The following TTN variants were observed in gnomAD, a reference collection of about 807,000 sequenced individuals.
TTN encodes the protein connectin.
Under a neutral mutation model 3,223.0 loss-of-function variants are expected in TTN, and 1,525 were observed. That is an observed-to-expected ratio of 0.47 (90% confidence interval 0.45 to 0.49). The LOEUF is 0.49. Ranked by LOEUF, TTN falls within the 20% of genes least tolerant of loss-of-function variation. TTN has a pLI of 0.00. For synonymous variants in TTN, 14,094 were observed against 15,161.0 expected, an observed-to-expected ratio of 0.93 and a Z score of 5.17; for missense variants, 40,786 against 43,424.0, an observed-to-expected ratio of 0.94 and a Z score of 5.40.
At position 178,664,105 on chromosome 2, in the gene TTN, A is replaced by T; in HGVS notation, c.36281-7T>A. On this transcript the variant is annotated splice_polypyrimidine_tract_variant and splice_region_variant and intron_variant, in intron 168 of 362. Transcript: ENST00000589042. ...TCTTTGGGAGCTTCGTGCACTTGAAAGATATTAGTATTTTTACACTCAGAA... is the reference window on the plus strand; with the variant it reads ...TCTTTGGGAGCTTCGTGCACTTGAATGATATTAGTATTTTTACACTCAGAA... The T allele has an allele frequency of 6.2e-7, 1 of 1,604,352 alleles. No homozygotes were observed.
chr2:178,586,848 TA>T (rs1365122963), intron 307 of TTN, 41 bp from the exon 308 acceptor site: 2 of 1,591,524 alleles, frequency 1.3e-6, no homozygotes, highest in African/African-American at 2.7e-5. Context: ...CTAGGTAACC[TA>T]ATCAAATCCC....
chr2:178,634,802 G>T lies in TTN; in HGVS notation c.42072C>A (p.His14024Gln), dbSNP rs1276854895. ...AEGGKRFLTL[H>Q]KVKLDQAGEV... ...CACCAGCTTGGTCCAGTTTGACTTT[G>T]TGCAAAGTTAAGAAGCGTTTTCCAC... The change falls in exon 229 of 363, where the codon CAC becomes CAA. Residue 14024 changes from histidine (H) to glutamine (Q), a missense_variant. His to Gln is a conservative substitution (Grantham distance 24, BLOSUM62 0). Transcript: ENST00000589042. This position sits in a 1 kb window ranked among gnomAD's most constrained non-coding sequence, Gnocchi z 4.6. The T allele has an allele frequency of 6.2e-7, 1 of 1,612,822 alleles. No homozygotes were observed. Among genetic ancestry groups the T allele is most frequent in the South Asian group, 1.1e-5 (1 of 90,912 alleles).
Position 178,601,010 on chromosome 2 carries a change from T to G in TTN, c.55894A>C (p.Arg18632=). 6.2e-7 allele frequency: 1 copy of G among 1,613,066 alleles called. No individual in the cohort carries two copies. Among genetic ancestry groups the G allele is most frequent in the South Asian group, 1.1e-5 (1 of 91,032 alleles). ...DPTGTKKEAW[R]QCNKRDVEEL... ...TCCACATCACGCTTATTGCACTGCC[T>G]CCAGGCTTCTTTCTTTGTCCCAGTA... Residue 18632 remains arginine (R), a synonymous_variant, in exon 288 of 363, where the codon AGG becomes CGG. Transcript: ENST00000589042.
In TTN at chr2:178,528,642, G is replaced by T; in HGVS notation, c.107109C>A (p.Ala35703=). The T allele has an allele frequency of 6.2e-7, 1 of 1,612,976 alleles. No individual in the cohort carries two copies. The highest frequency in any genetic ancestry group is 8.5e-7 in the Non-Finnish European group (1 of 1,179,416). Reference sequence around the variant, plus strand: ...TTTGAGATCTAGGCTGTGAGATGAAGGCTGGAGCATCTGAGAGTTCTTTGC... The same window carrying T: ...TTTGAGATCTAGGCTGTGAGATGAATGCTGGAGCATCTGAGAGTTCTTTGC... ...TLSKELSDAP[A]FISQPRSQNI... The change falls in exon 360 of 363, where the codon GCC becomes GCA. Residue 35703 remains alanine, a synonymous_variant. Transcript: ENST00000589042.
chr2:178,675,605 C>A, intron 149 of TTN, 66 bp downstream of exon 149: 1 of 1,189,164 alleles, frequency 8.4e-7, no homozygotes, highest in South Asian at 2.3e-5. Context: ...GTTGAGTGTC[C>A]TGTGTGGATA....
chr2:178,622,519 G>A, intron 243 of TTN, 151 bp downstream of exon 243: 1 of 612,942 alleles, frequency 1.6e-6, no homozygotes, highest in East Asian at 2.9e-5. Context: ...AGCAATTAAA[G>A]TCAAGAATAC....
chr2:178,699,383 C>CTTTTTTTTTTTTTTTTTTTTTTT lies in TTN; in HGVS notation c.30683-492_30683-470dup. Among the ~76,000 whole-genome samples, 2 of 44,912 alleles carry CTTTTTTTTTTTTTTTTTTTTTTT rather than the reference C, an allele frequency of 4.5e-5. 1 individual carries two copies. Among genetic ancestry groups the CTTTTTTTTTTTTTTTTTTTTTTT allele is most frequent in the Non-Finnish European group, 8.7e-5 (2 of 22,892 alleles). 29.5% of individuals were successfully genotyped at this position (44,912 alleles called of 152,430 possible). ...TTTGTATTCATGAATAAATAACACT[C>CTTTTTTTTTTTTTTTTTTTTTTT]TTTTTTTTTTTTTTTTTTTTTTTTT... On this transcript the variant is annotated intron_variant, in intron 111 of 362. Transcript: ENST00000589042.
rs1695842509 is a variant in TTN at position 178,543,960 on chromosome 2, C to G, written c.96184G>C (p.Asp32062His). Reference sequence around the variant, plus strand: ...AGCAATGAGTAGCTCTCAGTGGTGTCAATAATTGCCCGGCTTGCAAGGTCA... The same window carrying G: ...AGCAATGAGTAGCTCTCAGTGGTGTGAATAATTGCCCGGCTTGCAAGGTCA... ...GIDLASRAII[D>H]TTESYSLLIV... Residue 32062 changes from aspartate to histidine, a missense_variant, in exon 346 of 363, where the codon GAC becomes CAC. By Grantham distance (81) the Asp-to-His change is moderately conservative (BLOSUM62 -1). Transcript: ENST00000589042. 6.2e-7 allele frequency: 1 copy of G among 1,613,572 alleles called. No individual in the cohort carries two copies. The highest frequency in any genetic ancestry group is 1.7e-5 in the Admixed American group (1 of 59,990).
At chr2:178,600,774 CT>C in intron 288 of TTN, 79 bp downstream of exon 288, 1 of 1,543,566 alleles carries the variant, frequency 6.5e-7, no homozygotes, top group Non-Finnish European at 8.9e-7. Context: ...AGATATAGCT[CT>C]TTTAATTGTG....
At chr2:178,757,481 G>C (rs1454667763) in intron 45 of TTN, 61 bp downstream of exon 45, 1 of 1,475,700 alleles carries the variant, frequency 6.8e-7, no homozygotes, top group Non-Finnish European at 9.0e-7. Context: ...ACTCTCATTA[G>C]TAACAGTGGG....
rs563863077 is a variant in TTN, at chr2:178,746,173, G to A, written c.11312-4252C>T. The stretch of plus-strand genomic sequence containing the variant: ...TATATTCTTTATACCACTTAACTTC[G>A]GGAGTCGGGATCCCTATGACTGAAC... On this transcript the variant is annotated intron_variant, in intron 47 of 362. Coordinates refer to ENST00000589042, the MANE Select transcript of TTN (RefSeq NM_001267550.2). 11 of 1,613,086 alleles carry A rather than the reference G, an allele frequency of 6.8e-6. No individual in the cohort carries two copies. In the South Asian group the frequency reaches 9.9e-5, roughly 14 times the overall value.
intron 159 of TTN, among the ~76,000 whole-genome samples, chr2:178,668,733 CAA>C (rs1372370526): frequency 4.5e-4 from 28 of 61,792 alleles, no homozygotes; most frequent in Middle Eastern, 0.012. Context: ...GATTCCATCT[CAA>C]AAAAAAAAAA....
chr2:178,693,574 T>G, intron 119 of TTN, 35 bp downstream of exon 119: 1 of 1,421,212 alleles, frequency 7.0e-7, no homozygotes, highest in Non-Finnish European at 9.6e-7. Context: ...TAATTTTTAT[T>G]AAAAGAGTTT....
At position 178,551,183 on chromosome 2, in the gene TTN, C is replaced by T. The variant is rs755202685; in HGVS notation, c.91348G>A (p.Gly30450Arg). The change falls in exon 336 of 363, where the codon GGA becomes AGA. Residue 30450 changes from glycine (G) to arginine (R), a missense_variant. Coordinates refer to ENST00000589042, the MANE Select transcript of TTN (RefSeq NM_001267550.2). ...TLKWNPPLRD[G>R]GSKIVGYSIE... ...CTATAGCCCACAATCTTACTGCCTC[C>T]ATCACGCAATGGTGGGTTCCATTTA... 3.1e-6 allele frequency: 5 copies of T among 1,613,442 alleles called. No individual in the cohort carries two copies. The African/African-American group carries it at 4.0e-5, about 13-fold the overall frequency.
intron 47 of TTN, chr2:178,746,600 A>G (rs1463430014): frequency 2.5e-6 from 4 of 1,613,226 alleles, no homozygotes; most frequent in East Asian, 2.2e-5. Context: ...TACATTTGCA[A>G]AGCTCTTTGC....
In TTN at chr2:178,712,219, G is replaced by A. The variant is rs780191022; in HGVS notation, c.27611C>T (p.Pro9204Leu). 2 of 1,612,518 alleles carry A rather than the reference G, an allele frequency of 1.2e-6. No homozygotes were observed. The highest frequency in any genetic ancestry group is 1.1e-5 in the South Asian group (1 of 90,952). Residue 9204 changes from proline (P) to leucine (L), a missense_variant, in exon 96 of 363, where the codon CCA (proline) becomes CTA (leucine). By Grantham distance (98) the Pro-to-Leu change is moderately conservative. Transcript: ENST00000589042. The stretch of plus-strand genomic sequence containing the variant: ...CTCCAACTGCTTGACAAAATACGGT[G>A]GTTCTGCAGCCAAGAGAGATAATCA... ...SCSAQILILE[P>L]PYFVKQLEPV...
Position 178,775,022 on chromosome 2 carries a change from A to C in TTN, c.6689T>G (p.Phe2230Cys). 1 of 1,614,034 alleles carries C rather than the reference A, an allele frequency of 6.2e-7. No homozygotes were observed. Among genetic ancestry groups the C allele is most frequent in the Non-Finnish European group, 8.5e-7 (1 of 1,179,958 alleles). Reference sequence around the variant, plus strand: ...CGTATCAATGGTCAGTATGGAGAGGAAGTGAACCTTTCTGTCAGAGTGCAT... The same window carrying C: ...CGTATCAATGGTCAGTATGGAGAGGCAGTGAACCTTTCTGTCAGAGTGCAT... ...YRMHSDRKVH[F>C]LSILTIDTSD... The change falls in exon 29 of 363, where the codon TTC (phenylalanine) becomes TGC (cysteine). Residue 2230 changes from phenylalanine (F) to cysteine (C), a missense_variant. Coordinates refer to ENST00000589042, the MANE Select transcript of TTN (RefSeq NM_001267550.2).
Position 178,731,383 on chromosome 2 carries a change from T to C in TTN, c.17383A>G (p.Lys5795Glu), listed in dbSNP as rs1226206785. The change falls in exon 59 of 363, where the codon AAG (lysine) becomes GAG (glutamate). Residue 5795 changes from lysine (K) to glutamate (E), a missense_variant. Physicochemically the swap from Lys to Glu is moderately conservative, Grantham distance 56. Coordinates refer to ENST00000589042, the MANE Select transcript of TTN (RefSeq NM_001267550.2). ...ASLYLSGIEVKHDGKYVCQAK... is the reference protein window; with the variant it reads ...ASLYLSGIEVEHDGKYVCQAK... ...TGACAGACATATTTCCCATCATGCTTGACTTCAATGCCACTGAGGTACAAA... is the reference window on the plus strand; with the variant it reads ...TGACAGACATATTTCCCATCATGCTCGACTTCAATGCCACTGAGGTACAAA... 2 of 1,613,812 alleles carry C rather than the reference T, an allele frequency of 1.2e-6. No individual in the cohort carries two copies. Among genetic ancestry groups the C allele is most frequent in the Non-Finnish European group, 1.7e-6 (2 of 1,179,776 alleles).
chr2:178,555,254 T>A, intron 330 of TTN, 102 bp from the exon 331 acceptor site: 2 of 1,033,086 alleles, frequency 1.9e-6, no homozygotes, highest in Middle Eastern at 3.1e-4. Flanking sequence ...TATTAAATTA[T>A]ACACACACAC....
Sources: gnomAD v4.1 joint callset for allele counts (sites outside exome capture counted in the v4.1 genomes callset) on GRCh38, gnomAD v4.1.1 for gene constraint, Gnocchi (gnomAD v3.1) non-coding constraint, MANE v1.5 for transcripts, NCBI Gene and HGNC (gene_info 2026-07-23, HGNC 2026-07-21) for gene names.